Variants in TENM1 observed in about 807,000 individuals in gnomAD.
TENM1 encodes teneurin-1.
A neutral mutation model predicts 174.8 loss-of-function variants in TENM1; 35 were observed. The observed-to-expected ratio is 0.20, with a 90% CI of 0.15 to 0.27. The LOEUF (loss-of-function observed/expected upper bound fraction) is 0.27. Ranked by LOEUF, TENM1 falls within the 10% of genes least tolerant of loss-of-function variation. TENM1 has a pLI of 1.00. For synonymous variants in TENM1, 781 were observed against 798.7 expected (o/e 0.98, Z 0.37); for missense variants, 1,633 against 2,130.1 (o/e 0.77, Z 4.59).
exon 32 of TENM1, chrX:124,381,189 C>T: frequency 8.3e-7 from 1 of 1,209,353 alleles, no homozygotes; most frequent in Admixed American, 2.2e-5. Flanking sequence ...TGCTTCCCTC[C>T]TTCAAGGCAC....
At chrX:125,003,555 C>T in the TENM1 span, among the ~76,000 whole-genome samples, 3 of 111,358 alleles carry the variant, frequency 2.7e-5, no homozygotes, top group Non-Finnish European at 3.8e-5. Flanking sequence ...TAACATAAAG[C>T]CTCAAGGGGA....
chrX:124,541,357 C>T (rs2048315095), intron 15 of TENM1, among the ~76,000 whole-genome samples: 3 of 112,335 alleles, frequency 2.7e-5, no homozygotes, highest in Admixed American at 1.9e-4. Context: ...TTTAGCACCA[C>T]CTCTTGGTGC....
chrX:124,757,518 C>G (rs1437699561), intron 3 of TENM1, among the ~76,000 whole-genome samples: 1 of 112,658 alleles, frequency 8.9e-6, no homozygotes, highest in Non-Finnish European at 1.9e-5. Flanking sequence ...CACCCACTGT[C>G]TGGCATTCCC....
At chrX:124,587,395 A>G (rs2049560203) in intron 11 of TENM1, among the ~76,000 whole-genome samples, 1 of 107,802 alleles carries the variant, frequency 9.3e-6, no homozygotes. Context: ...CATATCTACA[A>G]CTATCTGATC....
chrX:124,926,509 T>G (rs2058093449), intron 1 of TENM1, among the ~76,000 whole-genome samples: 1 of 111,877 alleles, frequency 8.9e-6, no homozygotes. Flanking sequence ...AATTATATTA[T>G]GCTCCACTTC....
intron 1 of TENM1, among the ~76,000 whole-genome samples, chrX:124,916,446 C>A (rs1292783653): frequency 4.5e-5 from 5 of 110,926 alleles, no homozygotes; most frequent in Non-Finnish European, 9.4e-5. Flanking sequence ...TAGCTGGGAC[C>A]ACAGGTGTAC....
chrX:124,994,519 T>C, the TENM1 span, among the ~76,000 whole-genome samples: 2 of 110,387 alleles, frequency 1.8e-5, no homozygotes, highest in African/African-American at 6.6e-5. Context: ...ATAAAGAAAT[T>C]CATGACCTCT....
chrX:124,887,778 C>T (rs192170187), intron 3 of TENM1, among the ~76,000 whole-genome samples: 7 of 111,254 alleles, frequency 6.3e-5, no homozygotes, highest in African/African-American at 1.6e-4. Flanking sequence ...GTCTCACACA[C>T]GCCTAATGGG....
chrX:124,443,113 A>C (rs1482857191), intron 23 of TENM1, among the ~76,000 whole-genome samples: 1 of 76,611 alleles, frequency 1.3e-5, no homozygotes, highest in African/African-American at 5.2e-5. Flanking sequence ...TGTGTATTTA[A>C]AACAACAGAA....
the TENM1 span, among the ~76,000 whole-genome samples, chrX:125,141,450 C>T: frequency 9.0e-6 from 1 of 111,695 alleles, no homozygotes; most frequent in Non-Finnish European, 1.9e-5. Context: ...TTACATCTTG[C>T]CCCTGCATTC....
intron 1 of TENM1, among the ~76,000 whole-genome samples, chrX:124,914,553 A>G (rs906096183): frequency 1.8e-5 from 2 of 112,123 alleles, no homozygotes; most frequent in South Asian, 3.7e-4. Flanking sequence ...AAATGTCCAC[A>G]GCTAACTTTA....
At chrX:124,725,359 TTAAAATTTGATGAA>T (rs2053421241) in intron 4 of TENM1, among the ~76,000 whole-genome samples, 1 of 112,041 alleles carries the variant, frequency 8.9e-6, no homozygotes, top group African/African-American at 3.2e-5. Context: ...TAAGTATTTG[TTAAAATTTGATGAA>T]ACTAAAATAA....
chrX:124,565,342 AACTT>A, intron 12 of TENM1, 29 bp downstream of exon 15: 1 of 1,109,719 alleles, frequency 9.0e-7, no homozygotes, highest in Non-Finnish European at 1.2e-6. Context: ...CAACTAATCC[AACTT>A]ACTTTGGTTA....
intron 3 of TENM1, among the ~76,000 whole-genome samples, chrX:124,776,414 T>C (rs1286728916): frequency 1.8e-5 from 2 of 112,127 alleles, no homozygotes; most frequent in African/African-American, 6.5e-5. Context: ...TAATTACATG[T>C]AAATGAAGGG....
exon 29 of TENM1, chrX:124,385,723 G>A (rs1209882313): frequency 5.0e-6 from 6 of 1,205,055 alleles, no homozygotes; most frequent in African/African-American, 1.8e-5. Context: ...CATGCATCAG[G>A]TGTATTGTCT....
At chrX:124,811,052 G>C (rs376967858) in intron 3 of TENM1, among the ~76,000 whole-genome samples, 56 of 110,964 alleles carry the variant, frequency 5.0e-4, no homozygotes, top group African/African-American at 1.6e-3. Context: ...AATTCAAAGT[G>C]GATAAACTAT....
intron 3 of TENM1, among the ~76,000 whole-genome samples, chrX:124,782,304 T>C (rs886765915): frequency 1.8e-5 from 2 of 111,640 alleles, no homozygotes; most frequent in Non-Finnish European, 3.8e-5. Flanking sequence ...CACTGTGCTA[T>C]TTCTCTGGGC....
At chrX:124,858,673 C>G (rs2056856457) in intron 3 of TENM1, among the ~76,000 whole-genome samples, 1 of 111,961 alleles carries the variant, frequency 8.9e-6, no homozygotes, top group Admixed American at 9.4e-5. Context: ...CCCACTGTCT[C>G]TCTCCTATAA....
chrX:124,490,988 T>C (rs779765328), intron 20 of TENM1, among the ~76,000 whole-genome samples: 21 of 111,965 alleles, frequency 1.9e-4, no homozygotes, highest in Non-Finnish European at 3.2e-4. Context: ...TGGGAAATAG[T>C]TGAAGGACTT....
Sources: allele counts gnomAD v4.1 joint callset (sites outside exome capture counted in the v4.1 genomes callset), GRCh38; gene constraint gnomAD v4.1.1; transcripts MANE v1.5; gene names NCBI Gene and HGNC (gene_info 2026-07-23, HGNC 2026-07-21).